Variants in ROBO2 observed in about 807,000 individuals in gnomAD.
ROBO2 encodes roundabout homolog 2.
A neutral mutation model predicts 160.8 loss-of-function variants in ROBO2; 53 were observed. That is an observed-to-expected ratio of 0.33 (90% CI 0.26 to 0.41). The LOEUF is 0.41. Ranked by LOEUF, ROBO2 falls within the 10% of genes least tolerant of loss-of-function variation. ROBO2 has a pLI of 1.00. For synonymous variants in ROBO2, 664 were observed against 611.7 expected (o/e 1.09, Z -1.26); for missense variants, 1,577 against 1,722.4 (o/e 0.92, Z 1.49).
intron 2 of ROBO2, among the ~76,000 whole-genome samples, chr3:77,378,962 T>C (rs1252963225): frequency 6.6e-6 from 1 of 152,012 alleles, no homozygotes; most frequent in East Asian, 1.9e-4. Flanking sequence ...TTTTTTTTTT[T>C]TGGAGATGGA....
At chr3:76,312,123 A>G (rs1253306049) in intron 2 of ROBO2, among the ~76,000 whole-genome samples, 3 of 152,316 alleles carry the variant, frequency 2.0e-5, no homozygotes, top group African/African-American at 7.2e-5. Context: ...TGAATGCTGT[A>G]AGCCAAAATG....
At chr3:77,024,972 G>GTTTTTTGTTT (rs2062871807) in intron 2 of ROBO2, among the ~76,000 whole-genome samples, 1 of 149,000 alleles carries the variant, frequency 6.7e-6, no homozygotes, top group Non-Finnish European at 1.5e-5. Context: ...GTTTTTTTTT[G>GTTTTTTGTTT]TTTGTTTTTT....
At chr3:76,198,802 T>A (rs1228346155) in intron 2 of ROBO2, among the ~76,000 whole-genome samples, 5 of 152,140 alleles carry the variant, frequency 3.3e-5, no homozygotes, top group Non-Finnish European at 5.9e-5. Flanking sequence ...CAATTGCCAA[T>A]TAGAAATTCT....
chr3:76,857,045 G>T (rs970096056), intron 2 of ROBO2, among the ~76,000 whole-genome samples: 1 of 152,116 alleles, frequency 6.6e-6, no homozygotes, highest in Non-Finnish European at 1.5e-5. Flanking sequence ...GAGTGCAGTG[G>T]TGTGATCTCG....
chr3:76,746,954 C>A (rs1047074159), intron 2 of ROBO2, among the ~76,000 whole-genome samples: 1 of 152,088 alleles, frequency 6.6e-6, no homozygotes, highest in African/African-American at 2.4e-5. Flanking sequence ...CGTCCAGGTC[C>A]ATCCATGTCC....
At chr3:77,565,726 G>A (rs77185478) in intron 12 of ROBO2, among the ~76,000 whole-genome samples, 3,388 of 152,164 alleles carry the variant, frequency 0.022, 118 homozygotes, top group African/African-American at 0.078. Context: ...GTTTAAAGGA[G>A]CAATTTATTA....
At chr3:76,045,965 T>A (rs907362353) in intron 2 of ROBO2, among the ~76,000 whole-genome samples, 2 of 151,994 alleles carry the variant, frequency 1.3e-5, no homozygotes, top group Non-Finnish European at 2.9e-5. Flanking sequence ...CATTTCCTGC[T>A]TTTCTTTGCA....
chr3:76,370,912 A>G (rs1376580096), intron 2 of ROBO2, among the ~76,000 whole-genome samples: 2 of 151,838 alleles, frequency 1.3e-5, no homozygotes, highest in Non-Finnish European at 2.9e-5. Flanking sequence ...TTCCTTCCCA[A>G]GTCTTCTTTC....
chr3:77,146,049 C>A (rs1217054667), intron 2 of ROBO2, among the ~76,000 whole-genome samples: 2 of 152,144 alleles, frequency 1.3e-5, no homozygotes, highest in African/African-American at 4.8e-5. Flanking sequence ...ATTAGTTCTT[C>A]TACAAGCTAC....
chr3:76,347,136 G>T (rs2074580656), intron 2 of ROBO2, among the ~76,000 whole-genome samples: 1 of 152,118 alleles, frequency 6.6e-6, no homozygotes, highest in Admixed American at 6.5e-5. Context: ...ATTACTGGAA[G>T]ACACACTAGC....
At chr3:77,275,011 T>C (rs1488635235) in intron 2 of ROBO2, among the ~76,000 whole-genome samples, 1 of 152,148 alleles carries the variant, frequency 6.6e-6, no homozygotes, top group African/African-American at 2.4e-5. Flanking sequence ...AATAAATATC[T>C]GAATTACTAA....
At chr3:76,575,653 T>C (rs1197601924) in intron 2 of ROBO2, among the ~76,000 whole-genome samples, 1 of 152,104 alleles carries the variant, frequency 6.6e-6, no homozygotes, top group Non-Finnish European at 1.5e-5. Flanking sequence ...AATTCATTCT[T>C]TATCTTTCTT....
At chr3:76,165,248 A>T (rs1250498866) in intron 2 of ROBO2, among the ~76,000 whole-genome samples, 2 of 152,170 alleles carry the variant, frequency 1.3e-5, no homozygotes, top group African/African-American at 2.4e-5. Context: ...AACTTACAGC[A>T]GCTTCTACAT....
At chr3:76,137,521 A>G (rs560554321) in intron 2 of ROBO2, among the ~76,000 whole-genome samples, 2 of 152,094 alleles carry the variant, frequency 1.3e-5, no homozygotes, top group Admixed American at 6.6e-5. Context: ...AACAGTTTTT[A>G]TACTTTAATT....
chr3:76,668,394 C>T (rs995203438), intron 2 of ROBO2, among the ~76,000 whole-genome samples: 5 of 152,110 alleles, frequency 3.3e-5, no homozygotes, highest in Admixed American at 2.0e-4. Flanking sequence ...AGGCTGCACC[C>T]GGCCCTTAAA....
chr3:76,295,158 C>G (rs1456061340), intron 2 of ROBO2, among the ~76,000 whole-genome samples: 1 of 152,144 alleles, frequency 6.6e-6, no homozygotes, highest in African/African-American at 2.4e-5. Flanking sequence ...GACTCCTGTA[C>G]TCCACCAATA....
intron 2 of ROBO2, 103 bp from the exon 3 acceptor site, chr3:77,477,311 T>C: frequency 8.2e-7 from 1 of 1,226,462 alleles, no homozygotes; most frequent in Non-Finnish European, 1.2e-6. Context: ...ATCCAGGCAA[T>C]TTTTACTAGA....
At chr3:77,266,852 C>T (rs919933531) in intron 2 of ROBO2, among the ~76,000 whole-genome samples, 10 of 152,080 alleles carry the variant, frequency 6.6e-5, no homozygotes, top group African/African-American at 2.4e-4. Context: ...TTGCCTTGCT[C>T]CCTCTTTACT....
At chr3:76,567,577 A>G (rs2084606575) in intron 2 of ROBO2, among the ~76,000 whole-genome samples, 1 of 139,776 alleles carries the variant, frequency 7.2e-6, no homozygotes. Flanking sequence ...GGAAGAAAAG[A>G]AAATGTTCAC....
Sources: allele counts gnomAD v4.1 joint callset (sites outside exome capture counted in the v4.1 genomes callset), GRCh38; gene constraint gnomAD v4.1.1; transcripts MANE v1.5; gene names NCBI Gene and HGNC (gene_info 2026-07-23, HGNC 2026-07-21).